The following FAM110B variants were observed in gnomAD, a reference collection of about 807,000 sequenced individuals.
FAM110B encodes the protein protein FAM110B.
FAM110B carries 6 observed loss-of-function variants against 20.4 expected under a neutral mutation model. The ratio of observed to expected loss-of-function variants is 0.29; its 90% confidence interval spans 0.16 to 0.58. The LOEUF (loss-of-function observed/expected upper bound fraction) is 0.58, where lower values mean the gene tolerates loss of function less well. Ranked by LOEUF, FAM110B falls within the 20% of genes least tolerant of loss-of-function variation. The pLI, the probability that FAM110B is intolerant of heterozygous loss-of-function variation, is 0.90. For missense variants in FAM110B, 434 were observed against 498.2 expected, an observed-to-expected ratio of 0.87 and a Z score of 1.23; for synonymous variants, 226 against 214.1, an observed-to-expected ratio of 1.06 and a Z score of -0.49.
At chr8:58,094,962 C>T (rs59375037) in intron 3 of FAM110B, among the ~76,000 whole-genome samples, 2,928 of 152,266 alleles carry the variant, frequency 0.019, 51 homozygotes, top group South Asian at 0.094. Flanking sequence ...TCGATTTCTT[C>T]ATGGTATAGA....
At chr8:58,094,685 G>A (rs760320968) in intron 3 of FAM110B, among the ~76,000 whole-genome samples, 5 of 152,236 alleles carry the variant, frequency 3.3e-5, no homozygotes, top group Non-Finnish European at 7.4e-5. Flanking sequence ...ATCGATGTTC[G>A]TCAGGGATAT....
chr8:58,084,821 G>A (rs1191839123), intron 3 of FAM110B, among the ~76,000 whole-genome samples: 1 of 152,130 alleles, frequency 6.6e-6, no homozygotes, highest in Non-Finnish European at 1.5e-5. Context: ...GTCCCTAGAG[G>A]CTGCTGTCAG....
chr8:58,008,733 C>G (rs1804465678), intron 1 of FAM110B, among the ~76,000 whole-genome samples: 1 of 152,208 alleles, frequency 6.6e-6, no homozygotes, highest in Non-Finnish European at 1.5e-5. Flanking sequence ...GAATACTTCT[C>G]CGTGCATCTG....
intron 3 of FAM110B, among the ~76,000 whole-genome samples, chr8:58,111,701 C>A (rs1338580711): frequency 6.6e-6 from 1 of 152,174 alleles, no homozygotes; most frequent in Admixed American, 6.5e-5. Flanking sequence ...TCCATCCTTA[C>A]ATAAACATGT....
chr8:58,094,614 G>A (rs779733066), intron 3 of FAM110B, among the ~76,000 whole-genome samples: 1 of 152,156 alleles, frequency 6.6e-6, no homozygotes, highest in Non-Finnish European at 1.5e-5. Context: ...TGATCGTGAT[G>A]GATAAGCTTT....
intron 3 of FAM110B, among the ~76,000 whole-genome samples, chr8:58,128,138 C>T (rs1036231928): frequency 3.9e-5 from 6 of 152,172 alleles, no homozygotes; most frequent in Non-Finnish European, 7.4e-5. Flanking sequence ...GCCTTCACGC[C>T]ATATCACCTT....
intron 3 of FAM110B, among the ~76,000 whole-genome samples, chr8:58,102,039 A>G (rs963688106): frequency 5.3e-5 from 8 of 152,232 alleles, no homozygotes; most frequent in African/African-American, 1.9e-4. Flanking sequence ...TATGAATGCC[A>G]CTTTTCGTTA....
intron 3 of FAM110B, among the ~76,000 whole-genome samples, chr8:58,112,742 C>T (rs529417141): frequency 6.6e-6 from 1 of 152,268 alleles, no homozygotes; most frequent in South Asian, 2.1e-4. Context: ...TCTTAAGATT[C>T]CCAAAGGAAA....
At chr8:57,999,162 C>T (rs563297890) in intron 1 of FAM110B, among the ~76,000 whole-genome samples, 1 of 152,154 alleles carries the variant, frequency 6.6e-6, no homozygotes, top group East Asian at 1.9e-4. Context: ...CAGTTTTAAA[C>T]CGGCATTAAA....
chr8:58,072,540 C>T (rs914086084), intron 2 of FAM110B, among the ~76,000 whole-genome samples: 1 of 152,130 alleles, frequency 6.6e-6, no homozygotes, highest in African/African-American at 2.4e-5. Flanking sequence ...AGATGTATCA[C>T]GTCTTAACTT....
intron 2 of FAM110B, among the ~76,000 whole-genome samples, chr8:58,057,909 T>C (rs1405175891): frequency 6.6e-6 from 1 of 152,256 alleles, no homozygotes; most frequent in African/African-American, 2.4e-5. Context: ...TGTGTTACTT[T>C]GCTTCCTCCT....
intron 3 of FAM110B, among the ~76,000 whole-genome samples, chr8:58,135,989 G>A (rs1384364171): frequency 7.0e-6 from 1 of 143,518 alleles, no homozygotes; most frequent in Non-Finnish European, 1.5e-5. Context: ...CAGACTTACA[G>A]TAGCCAGCAA....
intron 2 of FAM110B, among the ~76,000 whole-genome samples, chr8:58,047,473 C>G (rs1352707931): frequency 7.9e-5 from 12 of 152,064 alleles, no homozygotes; most frequent in Non-Finnish European, 1.6e-4. Flanking sequence ...GTAGAAGGCA[C>G]CATCACAGTC....
chr8:58,084,423 C>T (rs141662020), intron 3 of FAM110B, among the ~76,000 whole-genome samples: 4 of 149,982 alleles, frequency 2.7e-5, no homozygotes, highest in African/African-American at 9.8e-5. Flanking sequence ...CGGAGTCTCA[C>T]TCTGTCACCA....
At chr8:58,041,666 G>A (rs1002413242) in intron 2 of FAM110B, among the ~76,000 whole-genome samples, 2 of 152,216 alleles carry the variant, frequency 1.3e-5, no homozygotes, top group African/African-American at 2.4e-5. Context: ...ACTCACTACA[G>A]TGGTAATCAG....
chr8:58,072,571 G>T (rs1424200252), intron 2 of FAM110B, among the ~76,000 whole-genome samples: 3 of 152,124 alleles, frequency 2.0e-5, no homozygotes, highest in African/African-American at 4.8e-5. Context: ...AAATTAAGGA[G>T]ACTCTTTACA....
intron 2 of FAM110B, among the ~76,000 whole-genome samples, chr8:58,054,260 G>A (rs539399173): frequency 4.8e-4 from 73 of 152,270 alleles, no homozygotes; most frequent in African/African-American, 1.0e-3. Context: ...GGGGAGTGGA[G>A]GCATGAAGGT....
At chr8:58,088,225 T>C (rs1381553710) in intron 3 of FAM110B, among the ~76,000 whole-genome samples, 1 of 152,200 alleles carries the variant, frequency 6.6e-6, no homozygotes, top group East Asian at 1.9e-4. Context: ...TAAAGGACAA[T>C]CACAATTTTA....
chr8:58,069,936 T>G (rs1368410050), intron 2 of FAM110B, among the ~76,000 whole-genome samples: 1 of 152,208 alleles, frequency 6.6e-6, no homozygotes, highest in Non-Finnish European at 1.5e-5. Context: ...CACTTATAGT[T>G]TATAAGGTGA....
Sources: allele counts gnomAD v4.1 joint callset (sites outside exome capture counted in the v4.1 genomes callset), GRCh38; gene constraint gnomAD v4.1.1; transcripts MANE v1.5; gene names NCBI Gene and HGNC (gene_info 2026-07-23, HGNC 2026-07-21).